HELZ: variants seen among roughly 807,000 people sequenced by gnomAD.
HELZ encodes ATP-dependent RNA helicase with zinc finger domain.
HELZ carries 23 observed loss-of-function variants against 218.2 expected under a neutral mutation model. The observed-to-expected ratio is 0.11, with a 90% CI of 0.08 to 0.15. The LOEUF (loss-of-function observed/expected upper bound fraction) is 0.15, where lower values mean the gene tolerates loss of function less well. HELZ is among the 10% of genes least tolerant of loss of function. HELZ has a pLI of 1.00. For missense variants in HELZ, 1,813 were observed against 2,353.7 expected (o/e 0.77, Z 4.75); for synonymous variants, 814 against 829.4 (o/e 0.98, Z 0.32).
At chr17:67,214,805 C>G (rs567380460) in intron 5 of HELZ, among the ~76,000 whole-genome samples, 1 of 152,216 alleles carries the variant, frequency 6.6e-6, no homozygotes, top group South Asian at 2.1e-4. Flanking sequence ...GAAAAGGATT[C>G]CTATCAGTAC....
intron 32 of HELZ, among the ~76,000 whole-genome samples, chr17:67,080,820 T>C (rs1231898089): frequency 1.3e-5 from 2 of 151,736 alleles, no homozygotes; most frequent in Non-Finnish European, 2.9e-5. Flanking sequence ...CTGGGATGAG[T>C]CCTGAAGGAT....
intron 17 of HELZ, among the ~76,000 whole-genome samples, chr17:67,158,542 T>C (rs1567850368): frequency 6.6e-6 from 1 of 152,234 alleles, no homozygotes; most frequent in African/African-American, 2.4e-5. Context: ...ATGGCAAAAA[T>C]GCAGGACTAC....
At chr17:67,235,077 A>G (rs539912667) in intron 3 of HELZ, among the ~76,000 whole-genome samples, 2 of 152,118 alleles carry the variant, frequency 1.3e-5, no homozygotes, top group Non-Finnish European at 2.9e-5. Flanking sequence ...TGTCAACGGA[A>G]CAATGTTTCC....
intron 17 of HELZ, among the ~76,000 whole-genome samples, chr17:67,159,720 T>C (rs2038943754): frequency 6.6e-6 from 1 of 152,148 alleles, no homozygotes; most frequent in Admixed American, 6.5e-5. Context: ...ATATCAACCT[T>C]AAATTTTCTT....
At chr17:67,200,502 C>G (rs1452450798) in intron 7 of HELZ, 1 of 152,238 alleles carries the variant, frequency 6.6e-6, no homozygotes, top group African/African-American at 2.4e-5. Context: ...CTTTGGGAGG[C>G]AGAGGCAGAC....
intron 9 of HELZ, among the ~76,000 whole-genome samples, chr17:67,190,955 G>T (rs560042285): frequency 1.3e-5 from 2 of 151,180 alleles, no homozygotes; most frequent in East Asian, 1.9e-4. Flanking sequence ...TGATCCACCC[G>T]CCTCGGCCTC....
At chr17:67,133,814 C>T (rs955403245) in intron 23 of HELZ, among the ~76,000 whole-genome samples, 9 of 152,118 alleles carry the variant, frequency 5.9e-5, no homozygotes, top group African/African-American at 1.7e-4. Flanking sequence ...TGCGCCTGGC[C>T]GGAACACTAT....
chr17:67,161,061 C>G lies in HELZ; in HGVS notation c.1911G>C (p.Gln637His), dbSNP rs201062352. 1.9e-4 allele frequency: 298 copies of G among 1,608,476 alleles called. No individual in the cohort carries two copies. The highest frequency in any genetic ancestry group is 2.3e-4 in the Non-Finnish European group (275 of 1,177,682). ...PWSPNRQWDE[Q>H]LDPRLNAKQK... ...GTTTTGCATTTAGTCGAGGATCCAACTGTTCATCCCATTGTCTATGGAAAA... is the reference window on the plus strand; with the variant it reads ...GTTTTGCATTTAGTCGAGGATCCAAGTGTTCATCCCATTGTCTATGGAAAA... The change falls in exon 16 of 33, where the codon CAG becomes CAC. Residue 637 changes from glutamine (Q) to histidine (H), a missense_variant. By Grantham distance (24) the Gln-to-His change is conservative (BLOSUM62 0). Coordinates refer to ENST00000358691, the MANE Select transcript of HELZ (RefSeq NM_014877.4).
At chr17:67,202,541 A>G (rs2040194858) in intron 6 of HELZ, among the ~76,000 whole-genome samples, 1 of 152,218 alleles carries the variant, frequency 6.6e-6, no homozygotes, top group African/African-American at 2.4e-5. Flanking sequence ...AATTGATTGT[A>G]AAGTCTGAAT....
chr17:67,228,005 T>C (rs2040939023), intron 3 of HELZ, among the ~76,000 whole-genome samples: 1 of 152,210 alleles, frequency 6.6e-6, no homozygotes, highest in Non-Finnish European at 1.5e-5. Flanking sequence ...TTCAAGATGA[T>C]TTCTGCATCT....
At chr17:67,222,580 G>GA (rs1487427790) in intron 3 of HELZ, among the ~76,000 whole-genome samples, 1 of 152,148 alleles carries the variant, frequency 6.6e-6, no homozygotes, top group Non-Finnish European at 1.5e-5. Context: ...AGATCTACCT[G>GA]AATCACAGTA....
chr17:67,110,590 C>T (rs1027938341), intron 28 of HELZ, among the ~76,000 whole-genome samples: 1 of 152,118 alleles, frequency 6.6e-6, no homozygotes, highest in Non-Finnish European at 1.5e-5. Context: ...GGAAATTAAA[C>T]AGGCAATAAG....
At position 67,135,961 on chromosome 17, in the gene HELZ, C is replaced by T; in HGVS notation, c.3182+9G>A. 1 of 1,599,360 alleles carries T rather than the reference C, an allele frequency of 6.3e-7. No homozygotes were observed. The highest frequency in any genetic ancestry group is 8.6e-7 in the Non-Finnish European group (1 of 1,168,430). Reference sequence around the variant, plus strand: ...CCCCTTTAATGTCTCAACATTAACACATAATTACCTGCATCTTCCAATAGA... The same window carrying T: ...CCCCTTTAATGTCTCAACATTAACATATAATTACCTGCATCTTCCAATAGA... On this transcript the variant is annotated intron_variant, in intron 23 of 32. Coordinates refer to ENST00000358691, the MANE Select transcript of HELZ (RefSeq NM_014877.4).
At chr17:67,092,065 A>T (rs952740830) in intron 31 of HELZ, among the ~76,000 whole-genome samples, 3 of 152,358 alleles carry the variant, frequency 2.0e-5, no homozygotes, top group African/African-American at 7.2e-5. Context: ...GTAGTTTACA[A>T]CAGTAATATC....
At chr17:67,127,819 C>G (rs1407355342) in intron 24 of HELZ, among the ~76,000 whole-genome samples, 3 of 149,200 alleles carry the variant, frequency 2.0e-5, no homozygotes, top group African/African-American at 7.5e-5. Context: ...GCACTCCAGC[C>G]TGGGTGACAG....
chr17:67,125,099 G>C (rs2037740652), intron 24 of HELZ, among the ~76,000 whole-genome samples: 1 of 151,072 alleles, frequency 6.6e-6, no homozygotes. Context: ...CTAACTGTTG[G>C]AAAGAGCAAA....
intron 3 of HELZ, among the ~76,000 whole-genome samples, chr17:67,222,584 C>A (rs919601041): frequency 2.6e-5 from 4 of 152,170 alleles, no homozygotes; most frequent in African/African-American, 9.7e-5. Context: ...CTACCTGAAT[C>A]ACAGTAGGGT....
intron 31 of HELZ, among the ~76,000 whole-genome samples, chr17:67,100,433 G>T (rs565339087): frequency 1.3e-5 from 2 of 152,178 alleles, no homozygotes; most frequent in Middle Eastern, 3.4e-3. Context: ...TTATCAGAAA[G>T]CCATTACAAT....
At position 67,086,601 on chromosome 17, in the gene HELZ, A is replaced by AAT. The variant is rs1381357918; in HGVS notation, c.5494+226_5494+227dup. Reference sequence around the variant, plus strand: ...CATCTCAAATATATATACATATATTAATATATATATATAAATAAATATAAA... The same window carrying AAT: ...CATCTCAAATATATATACATATATTAATATATATATATATAAATAAATATAAA... On this transcript the variant is annotated intron_variant, in intron 32 of 32. Coordinates refer to ENST00000358691, the MANE Select transcript of HELZ (RefSeq NM_014877.4). Among the ~76,000 whole-genome samples, 268 of 119,690 alleles carry AAT rather than the reference A, an allele frequency of 2.2e-3. 1 individual carries two copies. Among genetic ancestry groups the AAT allele is most frequent in the African/African-American group, 7.1e-3 (218 of 30,638 alleles). The allele number at this position is 119,690 out of a possible 152,430, so 78.5% of individuals were successfully genotyped here.
Sources: gnomAD v4.1 joint callset for allele counts (sites outside exome capture counted in the v4.1 genomes callset) on GRCh38, gnomAD v4.1.1 for gene constraint, MANE v1.5 for transcripts, NCBI Gene and HGNC (gene_info 2026-07-23, HGNC 2026-07-21) for gene names.